Variants in CFAP47 observed in about 807,000 individuals in gnomAD.
The protein encoded by CFAP47 is cilia and flagella associated protein 47.
In CFAP47, 29 loss-of-function variants were observed where a neutral mutation model predicts 148.1. The observed-to-expected ratio is 0.20, with a 90% CI of 0.15 to 0.27. The LOEUF is 0.27. CFAP47 is among the 10% of genes least tolerant of loss of function. CFAP47 has a pLI of 1.00. For synonymous variants in CFAP47, 664 were observed against 577.3 expected, an observed-to-expected ratio of 1.15 and a Z score of -2.15; for missense variants, 1,872 against 1,697.5, an observed-to-expected ratio of 1.10 and a Z score of -1.81.
At chrX:36,146,122 C>G (rs73472838) in intron 36 of CFAP47, among the ~76,000 whole-genome samples, 4,375 of 111,135 alleles carry the variant, frequency 0.039, 212 homozygotes, top group African/African-American at 0.13. Flanking sequence ...AAATAACAAG[C>G]CTTGAGCTAT....
intron 2 of CFAP47, among the ~76,000 whole-genome samples, chrX:35,940,637 A>T (rs1383861167): frequency 9.1e-6 from 1 of 110,429 alleles, no homozygotes; most frequent in Non-Finnish European, 1.9e-5. Flanking sequence ...ACTGAAGTAG[A>T]CTCTGTCTCT....
chrX:36,128,136 T>C (rs568016848), intron 33 of CFAP47, among the ~76,000 whole-genome samples: 22 of 111,370 alleles, frequency 2.0e-4, no homozygotes, highest in African/African-American at 7.2e-4. Flanking sequence ...CTATGTTGAA[T>C]AGGAGTGGTG....
intron 29 of CFAP47, among the ~76,000 whole-genome samples, chrX:36,076,071 T>C (rs1937848006): frequency 8.9e-6 from 1 of 111,772 alleles, no homozygotes; most frequent in South Asian, 3.7e-4. Context: ...GGTTGAATGG[T>C]ATTTCTGTTT....
At position 35,989,449 on chromosome X, in the gene CFAP47, T is replaced by G; in HGVS notation, c.2844T>G (p.His948Gln). Reference protein sequence around the residue: ...GNALKLKCVAHLGRTKVLLLQ... With the variant: ...GNALKLKCVAQLGRTKVLLLQ... ...CGTTGAAGCTAAAATGTGTTGCACA[T>G]GTAATTATTTTCCTTGAACATGGTT... The change falls in exon 16 of 64, where the codon CAT becomes CAG. Residue 948 changes from histidine (H) to glutamine (Q), a missense_variant and splice_region_variant. Transcript: ENST00000378653. 8.3e-7 allele frequency: 1 copy of G among 1,211,224 alleles called. No homozygotes were observed. Among genetic ancestry groups the G allele is most frequent in the Non-Finnish European group, 1.1e-6 (1 of 895,163 alleles).
chrX:36,174,535 G>T (rs1444935489), intron 39 of CFAP47, among the ~76,000 whole-genome samples: 2 of 108,110 alleles, frequency 1.8e-5, no homozygotes, highest in African/African-American at 3.4e-5. Flanking sequence ...GTCTGTAAAG[G>T]ATTTTATTTC....
In CFAP47 at chrX:35,954,555, A is replaced by C. The variant is rs139139318; in HGVS notation, c.1174+836A>C. 6.8e-3 allele frequency among the ~76,000 whole-genome samples: 763 copies of C among 111,864 alleles called. 4 individuals are homozygous for C. The highest frequency in any genetic ancestry group is 0.023 in the Middle Eastern group (5 of 217). On this transcript the variant is annotated intron_variant, in intron 7 of 63. Coordinates refer to ENST00000378653, the MANE Select transcript of CFAP47 (RefSeq NM_001304548.2). Reference sequence around the variant, plus strand: ...AGCAATGAGAATTCCACATTTGTACAAAGTTTACAGGTTAATCCAGTTTTG... The same window carrying C: ...AGCAATGAGAATTCCACATTTGTACCAAGTTTACAGGTTAATCCAGTTTTG...
Position 36,245,905 on chromosome X carries a change from A to G in CFAP47, c.7333-5428A>G, listed in dbSNP as rs137976013. Among the ~76,000 whole-genome samples, 350 of 111,823 alleles carry G rather than the reference A, an allele frequency of 3.1e-3. 3 individuals carry two copies. Among genetic ancestry groups the G allele is most frequent in the Admixed American group, 0.025 (262 of 10,492 alleles). On this transcript the variant is annotated intron_variant, in intron 48 of 63. Coordinates refer to ENST00000378653, the MANE Select transcript of CFAP47 (RefSeq NM_001304548.2). ...ACTGGATCCCTATCTTTCACTGTAT[A>G]CAAAAATTAACTCAAGATTGATGAA... is the stretch of plus-strand genomic sequence containing the variant.
chrX:36,230,965 T>G (rs1337641034), intron 46 of CFAP47, among the ~76,000 whole-genome samples: 1 of 104,590 alleles, frequency 9.6e-6, no homozygotes, highest in Non-Finnish European at 1.9e-5. Flanking sequence ...GTTCCATTGA[T>G]CAATATCTCT....
chrX:36,278,603 C>T (rs1556003043), intron 49 of CFAP47, among the ~76,000 whole-genome samples: 1 of 112,240 alleles, frequency 8.9e-6, no homozygotes, highest in Admixed American at 9.4e-5. Context: ...TGCACTCACT[C>T]TCCAACCAGT....
Position 36,285,717 on chromosome X carries a change from T to C in CFAP47, c.7677T>C (p.Cys2559=). The C allele has an allele frequency of 8.7e-7, 1 of 1,155,348 alleles. No individual in the cohort carries two copies. The highest frequency in any genetic ancestry group is 1.2e-6 in the Non-Finnish European group (1 of 863,308). Residue 2559 remains cysteine (C), a synonymous_variant, in exon 51 of 64, where the codon TGT becomes TGC. Transcript: ENST00000378653. ...GPPIEIMEMT[C]IALDSTCIEI... Reference sequence around the variant, plus strand: ...CCATAGAGATTATGGAAATGACATGTATTGCTCTGGTAAGTGCCCATTGCA... The same window carrying C: ...CCATAGAGATTATGGAAATGACATGCATTGCTCTGGTAAGTGCCCATTGCA...
At chrX:36,300,096 T>C (rs1178931949) in intron 52 of CFAP47, among the ~76,000 whole-genome samples, 1 of 111,354 alleles carries the variant, frequency 9.0e-6, no homozygotes, top group African/African-American at 3.3e-5. Flanking sequence ...TAATACTTAC[T>C]GTCTGCCTAC....
intron 30 of CFAP47, among the ~76,000 whole-genome samples, chrX:36,095,663 AG>A (rs1287272730): frequency 9.0e-6 from 1 of 110,603 alleles, no homozygotes; most frequent in Non-Finnish European, 1.9e-5. Context: ...TCCAATTTAT[AG>A]GTCATCGTAG....
chrX:36,170,532 C>T (rs56888261), intron 39 of CFAP47, among the ~76,000 whole-genome samples: 8,083 of 109,627 alleles, frequency 0.074, 347 homozygotes, highest in African/African-American at 0.14. Context: ...CACATATGAG[C>T]GAGAATATGC....
chrX:35,924,167 A>C (rs144449871), intron 1 of CFAP47, among the ~76,000 whole-genome samples: 1 of 94,323 alleles, frequency 1.1e-5, no homozygotes, highest in Non-Finnish European at 2.0e-5. Context: ...ATATGTATAT[A>C]TGTACATGTA....
chrX:36,190,122 T>G lies in CFAP47; in HGVS notation c.6247T>G (p.Ser2083Ala). Residue 2083 changes from serine (S) to alanine (A), a missense_variant, in exon 42 of 64, where the codon TCA becomes GCA. Physicochemically the swap from Ser to Ala is moderately conservative, Grantham distance 99. Transcript: ENST00000378653. ...TGTTCACCTGGGAGTGAAAGGAACTTCAAGCCTAGAGCTCCGCTTTCTTCC... is the reference window on the plus strand; with the variant it reads ...TGTTCACCTGGGAGTGAAAGGAACTGCAAGCCTAGAGCTCCGCTTTCTTCC... ...HTVHLGVKGT[S>A]SLELRFLPFN... The G allele has an allele frequency of 3.4e-6, 1 of 298,045 alleles. No individual in the cohort carries two copies. The highest frequency in any genetic ancestry group is 2.7e-5 in the African/African-American group (1 of 37,149). The allele number at this position is 298,045 out of a possible 1,213,427, so 24.6% of individuals were successfully genotyped here.
intron 42 of CFAP47, among the ~76,000 whole-genome samples, chrX:36,196,612 G>A (rs1939923626): frequency 9.0e-6 from 1 of 110,757 alleles, no homozygotes; most frequent in Non-Finnish European, 1.9e-5. Flanking sequence ...TCTTTTCTGG[G>A]TAATTAACAG....
At chrX:36,143,754 T>C (rs1328336356) in intron 35 of CFAP47, among the ~76,000 whole-genome samples, 1 of 112,023 alleles carries the variant, frequency 8.9e-6, no homozygotes, top group Admixed American at 9.5e-5. Flanking sequence ...GGATTTTATC[T>C]CAAATATACT....
At chrX:36,289,251 G>A (rs1025398968) in intron 51 of CFAP47, among the ~76,000 whole-genome samples, 4 of 109,760 alleles carry the variant, frequency 3.6e-5, no homozygotes, top group East Asian at 2.9e-4. Flanking sequence ...CTGCCCCCCC[G>A]CCTCAGCCTC....
chrX:36,140,205 A>G (rs887939456), intron 35 of CFAP47, among the ~76,000 whole-genome samples: 2 of 111,494 alleles, frequency 1.8e-5, no homozygotes, highest in Non-Finnish European at 3.8e-5. Context: ...GAATGTCACA[A>G]TAGACATAGA....
Sources: allele counts gnomAD v4.1 joint callset (sites outside exome capture counted in the v4.1 genomes callset), GRCh38; gene constraint gnomAD v4.1.1; transcripts MANE v1.5; gene names NCBI Gene and HGNC (gene_info 2026-07-23, HGNC 2026-07-21).